Variants in SEMA6D observed in about 807,000 individuals in gnomAD.
SEMA6D encodes semaphorin-6D.
A neutral mutation model predicts 106.6 loss-of-function variants in SEMA6D; 35 were observed. The observed-to-expected ratio is 0.33, with a 90% CI of 0.25 to 0.44. The LOEUF (loss-of-function observed/expected upper bound fraction) is 0.44, where lower values mean the gene tolerates loss of function less well. Ranked by LOEUF, SEMA6D falls within the 20% of genes least tolerant of loss-of-function variation. The pLI, the probability that SEMA6D is intolerant of heterozygous loss-of-function variation, is 1.00. For missense variants in SEMA6D, 1,185 were observed against 1,345.9 expected (o/e 0.88, Z 1.87); for synonymous variants, 499 against 487.7 (o/e 1.02, Z -0.31).
intron 1 of SEMA6D, among the ~76,000 whole-genome samples, chr15:47,241,080 C>G (rs1333342695): frequency 6.6e-6 from 1 of 151,920 alleles, no homozygotes; most frequent in South Asian, 2.1e-4. Context: ...AGGAAGGGAC[C>G]GAGCTGAGAT....
intron 4 of SEMA6D, among the ~76,000 whole-genome samples, chr15:47,687,909 G>C (rs567863568): frequency 1.3e-5 from 2 of 152,230 alleles, no homozygotes; most frequent in East Asian, 3.9e-4. Flanking sequence ...AGTTTAAAAA[G>C]AGAAAATAAG....
intron 3 of SEMA6D, among the ~76,000 whole-genome samples, chr15:47,524,554 A>G (rs2044690950): frequency 6.6e-6 from 1 of 152,244 alleles, no homozygotes; most frequent in African/African-American, 2.4e-5. Context: ...TCATAGACAA[A>G]TAGAAAGCTT....
intron 4 of SEMA6D, among the ~76,000 whole-genome samples, chr15:47,702,385 G>A (rs962368429): frequency 1.3e-5 from 2 of 152,314 alleles, no homozygotes; most frequent in Admixed American, 1.3e-4. Flanking sequence ...TGGAAAGGAC[G>A]TGAAGCAACA....
At chr15:47,340,859 G>A (rs1301077427) in intron 1 of SEMA6D, among the ~76,000 whole-genome samples, 1 of 152,146 alleles carries the variant, frequency 6.6e-6, no homozygotes, top group Non-Finnish European at 1.5e-5. Flanking sequence ...ATCTCCTGGT[G>A]CCATTAGAAT....
At chr15:47,270,200 T>G (rs942615645) in intron 1 of SEMA6D, among the ~76,000 whole-genome samples, 1 of 148,676 alleles carries the variant, frequency 6.7e-6, no homozygotes. Context: ...ATATGTTATA[T>G]TTGTATGTAT....
At chr15:47,399,877 G>A (rs557152288) in intron 1 of SEMA6D, among the ~76,000 whole-genome samples, 9 of 152,340 alleles carry the variant, frequency 5.9e-5, no homozygotes, top group African/African-American at 2.2e-4. Context: ...GTCAGTGAAA[G>A]CATCGATGTG....
At chr15:47,603,174 G>C (rs1241150153) in intron 4 of SEMA6D, among the ~76,000 whole-genome samples, 1 of 152,122 alleles carries the variant, frequency 6.6e-6, no homozygotes, top group African/African-American at 2.4e-5. Context: ...TGGGGTAGGA[G>C]GGGAGAATTT....
At position 47,299,849 on chromosome 15, in the gene SEMA6D, A is replaced by G. The variant is rs147578505; in HGVS notation, c.-238-112544A>G. Among the ~76,000 whole-genome samples, 141 of 152,332 alleles carry G rather than the reference A, an allele frequency of 9.3e-4. 4 individuals are homozygous for G. The East Asian group carries it at 0.024, about 26-fold the overall frequency. On this transcript the variant is annotated intron_variant, in intron 1 of 19. Coordinates refer to the SEMA6D transcript ENST00000558014. ...ATAAGATCCTGTAGGTACTTGATGA[A>G]AAATTGCAGGCACATATGTGTGAGC...
intron 2 of SEMA6D, among the ~76,000 whole-genome samples, chr15:47,470,091 T>C (rs1437431991): frequency 1.3e-5 from 2 of 152,192 alleles, no homozygotes; most frequent in African/African-American, 2.4e-5. Flanking sequence ...AAAGAGAGAT[T>C]AGTACAGTTT....
chr15:47,717,832 CTG>C (rs71118194), intron 1 of SEMA6D, 140 bp downstream of exon 1: 12,389 of 99,030 alleles, frequency 0.13, 1,175 homozygotes, highest in East Asian at 0.26. Flanking sequence ...TCCCGAATCG[CTG>C]TGTGTGTGTG....
At chr15:47,695,682 T>G (rs1054663614) in intron 4 of SEMA6D, among the ~76,000 whole-genome samples, 1 of 152,148 alleles carries the variant, frequency 6.6e-6, no homozygotes, top group Non-Finnish European at 1.5e-5. Flanking sequence ...AAATACAAAA[T>G]GTATTTTAGT....
chr15:47,565,828 T>C (rs994388726), intron 3 of SEMA6D, among the ~76,000 whole-genome samples: 21 of 152,294 alleles, frequency 1.4e-4, no homozygotes, highest in African/African-American at 5.1e-4. Flanking sequence ...GTCAGCAAAA[T>C]TTTTCTTCTT....
At chr15:47,517,377 TGTGTGTGA>T (rs1227720082) in intron 3 of SEMA6D, among the ~76,000 whole-genome samples, 2 of 152,024 alleles carry the variant, frequency 1.3e-5, no homozygotes, top group East Asian at 1.9e-4. Context: ...GAGAGCTGAG[TGTGTGTGA>T]GTGTGTGCGT....
In SEMA6D at chr15:47,356,582, AAT is replaced by A. The variant is rs1196329687; in HGVS notation, c.-238-55810_-238-55809del. Among the ~76,000 whole-genome samples the A allele has an allele frequency of 3.3e-5, 5 of 152,210 alleles. No individual in the cohort carries two copies. In the East Asian group the frequency reaches 9.7e-4, roughly 29 times the overall value. On this transcript the variant is annotated intron_variant, in intron 1 of 19. Transcript: ENST00000558014. ...AGAAGAGAGAGCGAAAAAAAAAAAA[AAT>A]CCTTACAAAGGTGTGTGTCATAGGA...
At chr15:47,591,163 T>C (rs548511039) in intron 3 of SEMA6D, among the ~76,000 whole-genome samples, 112 of 152,324 alleles carry the variant, frequency 7.4e-4, no homozygotes, top group African/African-American at 2.7e-3. Flanking sequence ...TGCATCCTCA[T>C]GAGGTGGGAG....
chr15:47,397,695 G>T (rs183063533), intron 1 of SEMA6D: 1 of 152,120 alleles, frequency 6.6e-6, no homozygotes, highest in South Asian at 2.1e-4. Flanking sequence ...AGAATATTTA[G>T]TGTGGAATAA....
intron 3 of SEMA6D, among the ~76,000 whole-genome samples, chr15:47,530,367 T>C (rs1332771181): frequency 1.3e-5 from 2 of 152,244 alleles, no homozygotes; most frequent in Non-Finnish European, 2.9e-5. Flanking sequence ...ATAGATTTCA[T>C]TCTGAATACC....
chr15:47,291,752 A>AT (rs1345540910), intron 1 of SEMA6D, among the ~76,000 whole-genome samples: 1 of 152,178 alleles, frequency 6.6e-6, no homozygotes, highest in Non-Finnish European at 1.5e-5. Context: ...ACAGAAAGTT[A>AT]TTTTTATCAT....
intron 1 of SEMA6D, among the ~76,000 whole-genome samples, chr15:47,355,063 A>T (rs2038514028): frequency 6.6e-6 from 1 of 152,168 alleles, no homozygotes; most frequent in South Asian, 2.1e-4. Context: ...GGGGCACCAA[A>T]CTCTAAATTG....
Sources: gnomAD v4.1 joint callset for allele counts (sites outside exome capture counted in the v4.1 genomes callset) on GRCh38, gnomAD v4.1.1 for gene constraint, MANE v1.5 for transcripts, NCBI Gene and HGNC (gene_info 2026-07-23, HGNC 2026-07-21) for gene names.